ANKRD36C: variants seen among roughly 807,000 people sequenced by gnomAD.
The protein encoded by ANKRD36C is ankyrin repeat domain-containing protein 36C.
In ANKRD36C, 61 loss-of-function variants were observed where a neutral mutation model predicts 276.4. The ratio of observed to expected loss-of-function variants is 0.22; its 90% CI spans 0.18 to 0.27. ANKRD36C has a LOEUF of 0.27. Ranked by LOEUF, ANKRD36C falls within the 10% of genes least tolerant of loss-of-function variation. ANKRD36C has a pLI of 1.00. For missense variants in ANKRD36C, 1,447 were observed against 2,032.3 expected (o/e 0.71, Z 5.54); for synonymous variants, 483 against 680.1 (o/e 0.71, Z 4.51).
chr2:95,958,267 T>C (rs1457874754), intron 12 of ANKRD36C, among the ~76,000 whole-genome samples: 1 of 152,018 alleles, frequency 6.6e-6, no homozygotes, highest in African/African-American at 2.4e-5. Flanking sequence ...GTACTTCATC[T>C]TGTTCTCCTT....
intron 60 of ANKRD36C, among the ~76,000 whole-genome samples, chr2:95,862,186 G>A (rs1361006236): frequency 6.6e-6 from 1 of 152,004 alleles, no homozygotes; most frequent in African/African-American, 2.4e-5. Context: ...GATAGAACAA[G>A]AAGGCAGAAA....
chr2:95,961,347 T>C (rs575960844), intron 8 of ANKRD36C, among the ~76,000 whole-genome samples: 36 of 152,202 alleles, frequency 2.4e-4, no homozygotes, highest in Admixed American at 6.6e-4. Context: ...GTATAATATA[T>C]AAACCTCATC....
chr2:95,957,056 C>G (rs1172855286), intron 12 of ANKRD36C, among the ~76,000 whole-genome samples: 3 of 151,664 alleles, frequency 2.0e-5, no homozygotes, highest in Non-Finnish European at 4.4e-5. Context: ...TGGGTCACGC[C>G]TGTAATCCCA....
At chr2:95,878,567 C>CAGTAGTACCTTACATGTATAATTTCT (rs1676006295) in intron 58 of ANKRD36C, among the ~76,000 whole-genome samples, 1 of 152,184 alleles carries the variant, frequency 6.6e-6, no homozygotes, top group Non-Finnish European at 1.5e-5. Flanking sequence ...CTTAATTTAG[C>CAGTAGTACCTTACATGTATAATTTCT]AGTAGTACCT....
At chr2:95,892,107 T>TA (rs1676383629) in intron 44 of ANKRD36C, among the ~76,000 whole-genome samples, 2 of 151,592 alleles carry the variant, frequency 1.3e-5, no homozygotes, top group South Asian at 2.1e-4. Flanking sequence ...AAAACTAAAA[T>TA]AAAACCGTGT....
At chr2:95,967,553 G>A (rs1262314420) in intron 6 of ANKRD36C, among the ~76,000 whole-genome samples, 1 of 152,120 alleles carries the variant, frequency 6.6e-6, no homozygotes, top group African/African-American at 2.4e-5. Context: ...GTGTCAATTA[G>A]TTCAACCATT....
chr2:95,972,209 A>G (rs999171793), intron 6 of ANKRD36C, among the ~76,000 whole-genome samples: 5 of 152,198 alleles, frequency 3.3e-5, no homozygotes, highest in Non-Finnish European at 7.4e-5. Context: ...AAAGTAGCTC[A>G]CTATACCTAA....
intron 38 of ANKRD36C, among the ~76,000 whole-genome samples, chr2:95,915,592 G>C (rs1017121856): frequency 5.3e-5 from 8 of 151,358 alleles, no homozygotes; most frequent in South Asian, 2.1e-4. Context: ...GTGTCTACCG[G>C]TTATTATGAA....
At chr2:95,946,753 T>C (rs1018066563) in intron 17 of ANKRD36C, among the ~76,000 whole-genome samples, 11 of 152,096 alleles carry the variant, frequency 7.2e-5, no homozygotes, top group African/African-American at 2.4e-4. Context: ...TTCATGTCCT[T>C]TGTAGGGACA....
At chr2:95,960,396 CTGCTGATT>C (rs1678428121) in intron 10 of ANKRD36C, 69 bp downstream of exon 10, 1 of 1,512,634 alleles carries the variant, frequency 6.6e-7, no homozygotes, top group Admixed American at 2.0e-5. Context: ...AATGAGCCCC[CTGCTGATT>C]TATTCGGGGA....
intron 1 of ANKRD36C, among the ~76,000 whole-genome samples, chr2:95,988,788 C>T (rs1339675795): frequency 2.0e-5 from 3 of 152,024 alleles, no homozygotes; most frequent in Admixed American, 6.6e-5. Flanking sequence ...AAAATCTATG[C>T]ATAATAAAAT....
At chr2:95,921,327 C>T (rs1317496445) in intron 34 of ANKRD36C, among the ~76,000 whole-genome samples, 1 of 151,076 alleles carries the variant, frequency 6.6e-6, no homozygotes, top group Admixed American at 6.6e-5. Context: ...CAAAACTATG[C>T]TGTTCCCCAG....
At chr2:95,914,282 C>T (rs1264830135) in exon 39 of ANKRD36C, 2 of 1,550,444 alleles carry the variant, frequency 1.3e-6, no homozygotes, top group African/African-American at 1.4e-5. Context: ...TACCTTCAAG[C>T]CTGCTGGTTT....
At chr2:95,942,477 T>C (rs1431586199) in intron 19 of ANKRD36C, among the ~76,000 whole-genome samples, 1 of 152,312 alleles carries the variant, frequency 6.6e-6, no homozygotes, top group African/African-American at 2.4e-5. Context: ...CTTAAAAGTT[T>C]TTAACTTGTA....
intron 32 of ANKRD36C, among the ~76,000 whole-genome samples, chr2:95,923,143 T>C (rs1444064673): frequency 2.6e-5 from 4 of 151,648 alleles, no homozygotes; most frequent in South Asian, 2.1e-4. Context: ...AGCAATACGA[T>C]GTGACGTCTG....
chr2:95,920,385 C>A (rs1456634670), intron 34 of ANKRD36C, among the ~76,000 whole-genome samples: 1 of 132,230 alleles, frequency 7.6e-6, no homozygotes, highest in Non-Finnish European at 1.7e-5. Context: ...CACACAGTTA[C>A]CATGGCACTT....
intron 53 of ANKRD36C, 35 bp from the exon 74 acceptor site, chr2:95,884,280 A>C (rs1216765600): frequency 3.7e-6 from 6 of 1,609,922 alleles, no homozygotes; most frequent in South Asian, 1.1e-5. Context: ...ATAAATCAAT[A>C]AAGTATGTTT....
intron 60 of ANKRD36C, 125 bp from the exon 81 acceptor site, chr2:95,860,199 C>T: frequency 1.3e-6 from 1 of 743,750 alleles, no homozygotes; most frequent in Non-Finnish European, 2.2e-6. Context: ...TGAGTGCCTA[C>T]AAAGTGGAAG....
In ANKRD36C at chr2:95,852,892, G is replaced by A. The variant is rs181795005; in HGVS notation, c.5149-696C>T. The A allele has an allele frequency of 4.6e-5, 7 of 152,340 alleles. No homozygotes were observed. The East Asian group carries it at 1.3e-3, about 29-fold the overall frequency. 9.4% of individuals were successfully genotyped at this position (152,340 alleles called of 1,614,324 possible). On this transcript the variant is annotated intron_variant, in intron 64 of 66. Transcript: ENST00000456556. ...CTCTCCCATTGAATAGCAGGACTCAGGTCATCATTAGGAGAGAAGTAATTT... is the reference window on the plus strand; with the variant it reads ...CTCTCCCATTGAATAGCAGGACTCAAGTCATCATTAGGAGAGAAGTAATTT...
Sources: allele counts gnomAD v4.1 joint callset (sites outside exome capture counted in the v4.1 genomes callset), GRCh38; gene constraint gnomAD v4.1.1; transcripts MANE v1.5; gene names NCBI Gene and HGNC (gene_info 2026-07-23, HGNC 2026-07-21).